The following SLC41A2 variants were observed in gnomAD, a reference collection of about 807,000 sequenced individuals.
The protein encoded by SLC41A2 is SLC41A1-like 1.
SLC41A2 carries 32 observed loss-of-function variants against 58.3 expected under a neutral mutation model. That is an observed-to-expected ratio of 0.55 (90% CI 0.41 to 0.74). The LOEUF is 0.74. Ranked by LOEUF, SLC41A2 falls within the 30% of genes least tolerant of loss-of-function variation. The pLI is 0.00. For synonymous variants in SLC41A2, 190 were observed against 235.0 expected, an observed-to-expected ratio of 0.81 and a Z score of 1.75; for missense variants, 514 against 680.6, an observed-to-expected ratio of 0.76 and a Z score of 2.72.
chr12:104,915,054 T>A (rs957148950), intron 2 of SLC41A2, among the ~76,000 whole-genome samples: 1 of 152,268 alleles, frequency 6.6e-6, no homozygotes, highest in Non-Finnish European at 1.5e-5. Flanking sequence ...TACCTAACTT[T>A]GCACATGCAT....
At chr12:104,890,695 T>C (rs1309684213) in intron 4 of SLC41A2, among the ~76,000 whole-genome samples, 1 of 152,182 alleles carries the variant, frequency 6.6e-6, no homozygotes, top group Non-Finnish European at 1.5e-5. Flanking sequence ...ACAGGGGCCA[T>C]AGGCCTGAAG....
chr12:104,839,248 C>T (rs2042320454), intron 10 of SLC41A2, among the ~76,000 whole-genome samples: 1 of 152,068 alleles, frequency 6.6e-6, no homozygotes, highest in Admixed American at 6.6e-5. Context: ...AATTTAAAGG[C>T]TAGAGAAGTC....
At chr12:104,878,149 T>C (rs1416399525) in intron 6 of SLC41A2, among the ~76,000 whole-genome samples, 4 of 151,906 alleles carry the variant, frequency 2.6e-5, no homozygotes, top group Admixed American at 6.6e-5. Context: ...TTTATCATGA[T>C]AACATTCTTC....
intron 2 of SLC41A2, among the ~76,000 whole-genome samples, chr12:104,913,499 T>C (rs756354412): frequency 2.6e-5 from 4 of 152,188 alleles, no homozygotes; most frequent in Admixed American, 6.5e-5. Flanking sequence ...TTCTGGCCAG[T>C]CTACATGGGA....
In SLC41A2 at chr12:104,845,877, AC is replaced by A. The variant is rs1210986046; in HGVS notation, c.1352del (p.Gly451ValfsTer14). On this transcript the variant is annotated frameshift_variant, in exon 9 of 11. Transcript: ENST00000258538. LOFTEE classifies it high-confidence loss of function. The part of the protein sequence containing the change: ...IPGELPDEPK[G>X]CYYPFRTFFG... ...AGAAAGTTCTAAATGGGTAGTAACAACCTTTGGGTTCATCAGGCAATTCTCC... is the reference window on the plus strand; with the variant it reads ...AGAAAGTTCTAAATGGGTAGTAACAACTTTGGGTTCATCAGGCAATTCTCC... The A allele has an allele frequency of 1.3e-5, 21 of 1,613,566 alleles. No individual in the cohort carries two copies. Among genetic ancestry groups the A allele is most frequent in the Non-Finnish European group, 1.7e-5 (20 of 1,179,750 alleles).
chr12:104,815,741 G>A lies in SLC41A2; in HGVS notation c.1537-10404C>T, dbSNP rs568837536. On this transcript the variant is annotated intron_variant, in intron 10 of 10. Transcript: ENST00000258538. Reference sequence around the variant, plus strand: ...ACAAAAATATGCTTCCCTAATCCAGGTTTCCAGGCTGGAAACCCTACTCAT... The same window carrying A: ...ACAAAAATATGCTTCCCTAATCCAGATTTCCAGGCTGGAAACCCTACTCAT... Among the ~76,000 whole-genome samples the A allele has an allele frequency of 3.9e-5, 6 of 152,086 alleles. No homozygotes were observed. In the South Asian group the frequency reaches 1.3e-3, roughly 32 times the overall value.
In SLC41A2 at chr12:104,850,393, T is replaced by C. The variant is rs1183035641; in HGVS notation, c.1256-4419A>G. Among the ~76,000 whole-genome samples, 10 of 152,156 alleles carry C rather than the reference T, an allele frequency of 6.6e-5. 1 individual carries two copies. Among genetic ancestry groups the C allele is most frequent in the Admixed American group, 3.9e-4 (6 of 15,264 alleles). On this transcript the variant is annotated intron_variant, in intron 8 of 10. Transcript: ENST00000258538. The stretch of plus-strand genomic sequence containing the variant: ...GTTTAATCTTGGGCATACATAAATA[T>C]TATACTCAGAAATAAAGATTGAGTA...
At chr12:104,941,201 A>G (rs1025541296) in intron 1 of SLC41A2, among the ~76,000 whole-genome samples, 5 of 152,222 alleles carry the variant, frequency 3.3e-5, no homozygotes, top group African/African-American at 1.2e-4. Context: ...AGCTTGAGAC[A>G]TCACAGACAC....
intron 7 of SLC41A2, 71 bp downstream of exon 7, chr12:104,866,359 GAC>G (rs2043443924): frequency 9.9e-6 from 14 of 1,414,484 alleles, no homozygotes; most frequent in African/African-American, 1.6e-5. Context: ...GCTTATAGAA[GAC>G]ACACAAAGAC....
At chr12:104,817,530 T>C (rs537457548) in intron 10 of SLC41A2, among the ~76,000 whole-genome samples, 1 of 152,104 alleles carries the variant, frequency 6.6e-6, no homozygotes, top group East Asian at 1.9e-4. Context: ...TACAAAAATA[T>C]TTTCCTTCTT....
In SLC41A2 at chr12:104,844,622, T is replaced by A; in HGVS notation, c.1388-2A>T. The A allele has an allele frequency of 6.8e-7, 1 of 1,481,424 alleles. No homozygotes were observed. The highest frequency in any genetic ancestry group is 1.4e-5 in the African/African-American group (1 of 69,754). 91.8% of individuals were successfully genotyped at this position (1,481,424 alleles called of 1,614,324 possible). On this transcript the variant is annotated splice_acceptor_variant, in intron 9 of 10. Coordinates refer to ENST00000258538, the MANE Select transcript of SLC41A2 (RefSeq NM_001352171.3). LOFTEE classifies it high-confidence loss of function. ...CTTGAGCAGACTTATTATTTACTCC[T>A]GTAATATAAAATGTAAAAGTAATTA...
At chr12:104,847,279 A>C (rs952231935) in intron 8 of SLC41A2, among the ~76,000 whole-genome samples, 1 of 152,070 alleles carries the variant, frequency 6.6e-6, no homozygotes, top group East Asian at 1.9e-4. Context: ...AATATTACCA[A>C]GGATAAAGAC....
chr12:104,879,973 G>A (rs555352109), intron 6 of SLC41A2, among the ~76,000 whole-genome samples: 3 of 152,212 alleles, frequency 2.0e-5, no homozygotes, highest in African/African-American at 7.2e-5. Flanking sequence ...AGTTCTCCTT[G>A]AAGAGGTCCT....
intron 8 of SLC41A2, among the ~76,000 whole-genome samples, chr12:104,852,870 G>A (rs966063753): frequency 1.3e-5 from 2 of 152,066 alleles, no homozygotes; most frequent in African/African-American, 4.8e-5. Context: ...TTGCTATAAT[G>A]ACATACACTA....
chr12:104,807,937 G>A (rs2040988427), intron 10 of SLC41A2, among the ~76,000 whole-genome samples: 1 of 152,206 alleles, frequency 6.6e-6, no homozygotes, highest in Non-Finnish European at 1.5e-5. Flanking sequence ...CTTTTCTGAA[G>A]TTGCTTATCA....
intron 1 of SLC41A2, among the ~76,000 whole-genome samples, chr12:104,956,244 G>A (rs1242628734): frequency 2.0e-5 from 3 of 152,146 alleles, no homozygotes; most frequent in Non-Finnish European, 4.4e-5. Context: ...GAATGAAGTG[G>A]CACTTATTCA....
At position 104,845,905 on chromosome 12, in the gene SLC41A2, G is replaced by A; in HGVS notation, c.1325C>T (p.Pro442Leu). Reference protein sequence around the residue: ...ISTYLHLHSIPGELPDEPKGC... With the variant: ...ISTYLHLHSILGELPDEPKGC... ...TTTGGGTTCATCAGGCAATTCTCCT[G>A]GAATGCTATGTAAATGGAGGTAGGT... Residue 442 changes from proline (P) to leucine (L), a missense_variant, in exon 9 of 11, where the codon CCA becomes CTA. This residue lies in a region of SLC41A2 where 50 missense variants were observed against 104.5 expected (regional missense o/e 0.48). Coordinates refer to ENST00000258538, the MANE Select transcript of SLC41A2 (RefSeq NM_001352171.3). 1 of 1,613,868 alleles carries A rather than the reference G, an allele frequency of 6.2e-7. No individual in the cohort carries two copies. The highest frequency in any genetic ancestry group is 8.5e-7 in the Non-Finnish European group (1 of 1,179,868).
intron 2 of SLC41A2, among the ~76,000 whole-genome samples, chr12:104,926,377 G>A (rs2046840878): frequency 6.6e-6 from 1 of 152,080 alleles, no homozygotes; most frequent in Admixed American, 6.6e-5. Flanking sequence ...GAGGCAGGCG[G>A]ATCACTTGAG....
At chr12:104,945,057 G>A (rs2047659896) in intron 1 of SLC41A2, among the ~76,000 whole-genome samples, 1 of 151,938 alleles carries the variant, frequency 6.6e-6, no homozygotes, top group South Asian at 2.1e-4. Context: ...TGTAATCCCA[G>A]CTACTCGGGA....
Sources: allele counts gnomAD v4.1 joint callset (sites outside exome capture counted in the v4.1 genomes callset), GRCh38; gene constraint gnomAD v4.1.1; regional missense constraint gnomAD v4.1.1; transcripts MANE v1.5; gene names NCBI Gene and HGNC (gene_info 2026-07-23, HGNC 2026-07-21).